The following DGKB variants were observed in gnomAD, a reference collection of about 807,000 sequenced individuals.
The protein encoded by DGKB is 90 kDa diacylglycerol kinase.
Under a neutral mutation model 114.3 loss-of-function variants are expected in DGKB, and 67 were observed. The ratio of observed to expected loss-of-function variants is 0.59; its 90% CI spans 0.48 to 0.72. The LOEUF (loss-of-function observed/expected upper bound fraction) is 0.72. Among genes scored for constraint, DGKB ranks in the 30% least tolerant of loss-of-function variants. The probability of loss-of-function intolerance (pLI) is 0.00; values close to 1 mark genes in which losing one functional copy is unlikely to be tolerated. For synonymous variants in DGKB, 398 were observed against 323.1 expected (o/e 1.23, Z -2.49); for missense variants, 907 against 975.2 (o/e 0.93, Z 0.93).
chr7:14,160,389 C>A (rs1783697418), intron 25 of DGKB, among the ~76,000 whole-genome samples: 1 of 152,110 alleles, frequency 6.6e-6, no homozygotes, highest in Admixed American at 6.6e-5. Flanking sequence ...TTGTCTCAGC[C>A]CCAAAACTCC....
intron 21 of DGKB, among the ~76,000 whole-genome samples, chr7:14,444,427 C>A (rs935893473): frequency 6.6e-6 from 1 of 151,624 alleles, no homozygotes; most frequent in Admixed American, 6.6e-5. Flanking sequence ...TCATTAGAAA[C>A]ATTATATAAT....
chr7:14,574,109 T>C, intron 20 of DGKB, 103 bp downstream of exon 20: 2 of 882,960 alleles, frequency 2.3e-6, no homozygotes, highest in Middle Eastern at 2.8e-4. Flanking sequence ...GCACAAAAGG[T>C]AAAATAAGTT....
At chr7:14,362,817 G>A (rs368952466) in intron 21 of DGKB, among the ~76,000 whole-genome samples, 2 of 152,074 alleles carry the variant, frequency 1.3e-5, no homozygotes, top group East Asian at 1.9e-4. Flanking sequence ...ACTGTTTAAC[G>A]GGCACGAGTT....
intron 21 of DGKB, among the ~76,000 whole-genome samples, chr7:14,437,176 T>C (rs962094444): frequency 4.6e-5 from 7 of 152,058 alleles, no homozygotes; most frequent in African/African-American, 1.4e-4. Flanking sequence ...TTTAAATATA[T>C]AGAGGATCTG....
At chr7:14,649,337 T>C (rs180724085) in intron 13 of DGKB, among the ~76,000 whole-genome samples, 4,702 of 151,614 alleles carry the variant, frequency 0.031, 264 homozygotes, top group African/African-American at 0.11. Context: ...TGGGGACCAA[T>C]ATTCAACATT....
At chr7:14,361,559 G>A (rs1815748940) in intron 21 of DGKB, among the ~76,000 whole-genome samples, 1 of 151,868 alleles carries the variant, frequency 6.6e-6, no homozygotes, top group African/African-American at 2.4e-5. Flanking sequence ...AAGCTGACTT[G>A]TACATAAACT....
At chr7:14,570,193 T>C (rs368479311) in intron 20 of DGKB, among the ~76,000 whole-genome samples, 43 of 152,036 alleles carry the variant, frequency 2.8e-4, no homozygotes, top group African/African-American at 9.6e-4. Flanking sequence ...ATAGAGTATT[T>C]TTGCAAAGTC....
intron 25 of DGKB, among the ~76,000 whole-genome samples, chr7:14,153,179 CAG>C (rs1400693077): frequency 1.3e-5 from 2 of 152,024 alleles, no homozygotes; most frequent in East Asian, 3.9e-4. Context: ...GTATTTGGTT[CAG>C]CTCGTTGGTG....
chr7:14,897,036 A>G (rs1358135858), intron 1 of DGKB, among the ~76,000 whole-genome samples: 1 of 151,820 alleles, frequency 6.6e-6, no homozygotes, highest in Non-Finnish European at 1.5e-5. Context: ...ATGGAACTCT[A>G]AAGACATTTT....
Position 14,338,703 on chromosome 7 carries a change from C to G in DGKB, c.1934G>C (p.Gly645Ala), listed in dbSNP as rs758048243. ...LHESVEIECD[G>A]VQIDLINISL... ...GATGTTTATTAAATCTATCTGTACT[C>G]CATCACACTGATCGGTAAAAAGAAA... is the stretch of plus-strand genomic sequence containing the variant. The change falls in exon 23 of 26, where the codon GGA (glycine) becomes GCA (alanine). Residue 645 changes from glycine (G) to alanine (A), a missense_variant. Physicochemically the swap from Gly to Ala is moderately conservative, Grantham distance 60 (BLOSUM62 0). This residue lies in a region of DGKB where 814 missense variants were observed against 856.6 expected (regional missense o/e 0.95). Transcript: ENST00000402815. The G allele has an allele frequency of 6.1e-6, 9 of 1,478,780 alleles. No individual in the cohort carries two copies. The highest frequency in any genetic ancestry group is 7.2e-6 in the Non-Finnish European group (8 of 1,108,698). The allele number at this position is 1,478,780 out of a possible 1,614,324, so 91.6% of individuals were successfully genotyped here.
chr7:14,341,043 A>G (rs1046151569), intron 22 of DGKB, among the ~76,000 whole-genome samples: 9 of 151,636 alleles, frequency 5.9e-5, no homozygotes, highest in Non-Finnish European at 8.9e-5. Context: ...CAATTGAAAA[A>G]CATGAGTGTA....
intron 25 of DGKB, among the ~76,000 whole-genome samples, chr7:14,166,023 A>T (rs1170525804): frequency 1.3e-5 from 2 of 152,226 alleles, no homozygotes; most frequent in African/African-American, 2.4e-5. Flanking sequence ...AGGTAGGAAC[A>T]GTCCCGGTTC....
At chr7:14,214,994 G>A (rs528171612) in intron 23 of DGKB, among the ~76,000 whole-genome samples, 6 of 152,202 alleles carry the variant, frequency 3.9e-5, no homozygotes, top group African/African-American at 1.4e-4. Context: ...CTGTCTATGT[G>A]CAGTGAAGTG....
At chr7:14,278,993 C>G in intron 23 of DGKB, among the ~76,000 whole-genome samples, 1 of 152,126 alleles carries the variant, frequency 6.6e-6, no homozygotes, top group East Asian at 1.9e-4. Flanking sequence ...CTAGGGAGTG[C>G]CAGACAGTGG....
At chr7:14,246,122 A>G (rs1794440187) in intron 23 of DGKB, among the ~76,000 whole-genome samples, 1 of 152,118 alleles carries the variant, frequency 6.6e-6, no homozygotes, top group African/African-American at 2.4e-5. Context: ...TTTGTCTGCA[A>G]TGTTCATGAA....
Position 14,825,016 on chromosome 7 carries a change from G to GTATATA in DGKB, c.70+16172_70+16177dup, listed in dbSNP as rs67135250. ...TGTGTATATATATATGTATGTGTATGTATATATATATATATATATATATAT... is the reference window on the plus strand; with the variant it reads ...TGTGTATATATATATGTATGTGTATGTATATATATATATATATATATATATATATAT... On this transcript the variant is annotated intron_variant, in intron 2 of 25. Coordinates refer to ENST00000402815, the MANE Select transcript of DGKB (RefSeq NM_001350709.2). Among the ~76,000 whole-genome samples the GTATATA allele has an allele frequency of 3.9e-3, 356 of 92,212 alleles. 2 individuals carry two copies. Among genetic ancestry groups the GTATATA allele is most frequent in the Non-Finnish European group, 6.1e-3 (257 of 42,426 alleles). 60.5% of individuals were successfully genotyped at this position (92,212 alleles called of 152,430 possible).
intron 20 of DGKB, among the ~76,000 whole-genome samples, chr7:14,549,842 G>T (rs1257799923): frequency 6.6e-6 from 1 of 152,044 alleles, no homozygotes; most frequent in Admixed American, 6.6e-5. Context: ...ATAAAAATTA[G>T]CTGGGCGTGG....
chr7:14,300,320 G>C (rs957346354), intron 23 of DGKB, among the ~76,000 whole-genome samples: 61 of 152,106 alleles, frequency 4.0e-4, no homozygotes, highest in African/African-American at 1.4e-3. Flanking sequence ...TGTAGGGAGT[G>C]CTCTAGGTGA....
intron 17 of DGKB, among the ~76,000 whole-genome samples, chr7:14,589,294 A>G (rs1420356426): frequency 1.3e-5 from 2 of 151,934 alleles, no homozygotes; most frequent in Non-Finnish European, 2.9e-5. Context: ...GTTTGTGGAT[A>G]CATTTGGATT....
Sources: allele counts gnomAD v4.1 joint callset (sites outside exome capture counted in the v4.1 genomes callset), GRCh38; gene constraint gnomAD v4.1.1; regional missense constraint gnomAD v4.1.1; transcripts MANE v1.5; gene names NCBI Gene and HGNC (gene_info 2026-07-23, HGNC 2026-07-21).